Variants in CTNND2 observed in about 807,000 individuals in gnomAD.
CTNND2 encodes the protein catenin delta-2.
CTNND2 carries 22 observed loss-of-function variants against 144.4 expected under a neutral mutation model. The ratio of observed to expected loss-of-function variants is 0.15; its 90% confidence interval spans 0.11 to 0.22. The LOEUF is 0.22. Ranked by LOEUF, CTNND2 falls within the 10% of genes least tolerant of loss-of-function variation. CTNND2 has a pLI of 1.00. For synonymous variants in CTNND2, 751 were observed against 695.6 expected (o/e 1.08, Z -1.25); for missense variants, 1,353 against 1,618.8 (o/e 0.84, Z 2.82).
intron 2 of CTNND2, among the ~76,000 whole-genome samples, chr5:11,597,679 T>C (rs1779582788): frequency 6.6e-6 from 1 of 152,076 alleles, no homozygotes; most frequent in African/African-American, 2.4e-5. Context: ...ACTCAGGTGA[T>C]CCTCCCACTG....
At chr5:11,807,393 A>G (rs1167627184) in intron 1 of CTNND2, among the ~76,000 whole-genome samples, 1 of 152,168 alleles carries the variant, frequency 6.6e-6, no homozygotes, top group Non-Finnish European at 1.5e-5. Context: ...AGATTTTGGT[A>G]CGTACATCAT....
rs373599733 is a variant in CTNND2 at position 11,281,370 on chromosome 5, C to T, written c.1629-44547G>A. ...TTTGGTGACTAAAGCTGTTACCTCA[C>T]GAGAGGTGTTAGTGCTACTGAAAGC... On this transcript the variant is annotated intron_variant, in intron 9 of 21. Transcript: ENST00000304623. Among the ~76,000 whole-genome samples, 42 of 152,234 alleles carry T rather than the reference C, an allele frequency of 2.8e-4. No individual in the cohort carries two copies. The South Asian group carries it at 5.2e-3, about 19-fold the overall frequency.
chr5:11,538,714 G>C (rs1774445163), intron 3 of CTNND2, among the ~76,000 whole-genome samples: 1 of 152,034 alleles, frequency 6.6e-6, no homozygotes, highest in African/African-American at 2.4e-5. Flanking sequence ...TTGATTTCTT[G>C]GTGTCCTGTT....
At position 11,665,726 on chromosome 5, in the gene CTNND2, G is replaced by A. The variant is rs141549120; in HGVS notation, c.174+66410C>T. Among the ~76,000 whole-genome samples the A allele has an allele frequency of 1.1e-4, 17 of 152,248 alleles. No homozygotes were observed. The East Asian group carries it at 3.3e-3, about 29-fold the overall frequency. The stretch of plus-strand genomic sequence containing the variant: ...TGATGTGAAACTGAAAACAAAGTGA[G>A]GTGTGTATTCAGGGGCCAGTTGAAT... On this transcript the variant is annotated intron_variant, in intron 2 of 21. Coordinates refer to ENST00000304623, the MANE Select transcript of CTNND2 (RefSeq NM_001332.4).
chr5:11,323,481 G>A (rs1390155652), intron 9 of CTNND2, among the ~76,000 whole-genome samples: 1 of 152,086 alleles, frequency 6.6e-6, no homozygotes, highest in East Asian at 1.9e-4. Flanking sequence ...CAAGTCATTG[G>A]GGTCTTATCC....
At chr5:11,549,178 A>G (rs578109289) in intron 3 of CTNND2, among the ~76,000 whole-genome samples, 2 of 152,292 alleles carry the variant, frequency 1.3e-5, no homozygotes, top group South Asian at 4.1e-4. Flanking sequence ...AGGTCTTGCT[A>G]TCATCCCTGC....
chr5:11,334,616 T>C (rs1753550184), intron 9 of CTNND2, among the ~76,000 whole-genome samples: 1 of 152,214 alleles, frequency 6.6e-6, no homozygotes, highest in Non-Finnish European at 1.5e-5. Flanking sequence ...AACTAACTTG[T>C]GTCTGAATTC....
intron 2 of CTNND2, among the ~76,000 whole-genome samples, chr5:11,696,425 C>T (rs1245674027): frequency 6.6e-6 from 1 of 152,232 alleles, no homozygotes; most frequent in Non-Finnish European, 1.5e-5. Context: ...AGCCCCACTG[C>T]AGATTCAGTC....
chr5:11,669,517 C>T (rs1783759608), intron 2 of CTNND2, among the ~76,000 whole-genome samples: 1 of 152,144 alleles, frequency 6.6e-6, no homozygotes, highest in African/African-American at 2.4e-5. Flanking sequence ...AGGAATTTAT[C>T]CATTTCTTCT....
At chr5:11,356,207 T>C (rs1013336753) in intron 8 of CTNND2, among the ~76,000 whole-genome samples, 6 of 140,950 alleles carry the variant, frequency 4.3e-5, no homozygotes, top group Non-Finnish European at 8.0e-5. Context: ...CTAAAATTGG[T>C]ATGAAACAAA....
chr5:11,546,819 CAT>C (rs1319401079), intron 3 of CTNND2, among the ~76,000 whole-genome samples: 1 of 152,084 alleles, frequency 6.6e-6, no homozygotes, highest in East Asian at 1.9e-4. Context: ...GCAGACTACA[CAT>C]ATGTGAAAAA....
intron 6 of CTNND2, among the ~76,000 whole-genome samples, chr5:11,394,973 C>T (rs1221534052): frequency 6.6e-6 from 1 of 152,120 alleles, no homozygotes; most frequent in Non-Finnish European, 1.5e-5. Context: ...CATCTGTTAG[C>T]CATCGTTTGA....
At chr5:11,766,572 T>C (rs59092093) in intron 1 of CTNND2, among the ~76,000 whole-genome samples, 14,486 of 152,196 alleles carry the variant, frequency 0.095, 1,870 homozygotes, top group African/African-American at 0.29. Context: ...CCCGGCCACA[T>C]AGAACTGTAA....
chr5:11,013,242 C>T (rs1330368592), intron 18 of CTNND2, among the ~76,000 whole-genome samples: 1 of 152,162 alleles, frequency 6.6e-6, no homozygotes, highest in South Asian at 2.1e-4. Flanking sequence ...CCATGGGTGT[C>T]CACTCTCCAT....
At chr5:11,760,596 A>T (rs1447158083) in intron 1 of CTNND2, among the ~76,000 whole-genome samples, 1 of 152,174 alleles carries the variant, frequency 6.6e-6, no homozygotes, top group African/African-American at 2.4e-5. Flanking sequence ...AACATCTAGA[A>T]GGATTCTTCT....
chr5:11,881,236 G>A (rs1736090047), intron 1 of CTNND2, among the ~76,000 whole-genome samples: 1 of 151,916 alleles, frequency 6.6e-6, no homozygotes, highest in South Asian at 2.1e-4. Context: ...ACAATGTGTA[G>A]TGATCAAATT....
intron 9 of CTNND2, among the ~76,000 whole-genome samples, chr5:11,278,366 C>G (rs947469569): frequency 1.6e-4 from 25 of 152,172 alleles, no homozygotes; most frequent in African/African-American, 5.8e-4. Flanking sequence ...ATTCATGGAG[C>G]ACCTCTTATG....
intron 9 of CTNND2, among the ~76,000 whole-genome samples, chr5:11,280,911 A>C (rs1191162744): frequency 6.6e-6 from 1 of 152,146 alleles, no homozygotes; most frequent in Non-Finnish European, 1.5e-5. Flanking sequence ...AGGAGCAAAC[A>C]GAGTAAGGAG....
At chr5:11,655,371 G>T (rs997291024) in intron 2 of CTNND2, among the ~76,000 whole-genome samples, 1 of 151,676 alleles carries the variant, frequency 6.6e-6, no homozygotes, top group African/African-American at 2.4e-5. Flanking sequence ...TATTTAAGGT[G>T]CAACCACCAC....
Sources: allele counts gnomAD v4.1 joint callset (sites outside exome capture counted in the v4.1 genomes callset), GRCh38; gene constraint gnomAD v4.1.1; transcripts MANE v1.5; gene names NCBI Gene and HGNC (gene_info 2026-07-23, HGNC 2026-07-21).